EFCAB11: variants seen among roughly 807,000 people sequenced by gnomAD.
EFCAB11 encodes EF-hand calcium-binding domain-containing protein 11.
Under a neutral mutation model 23.0 loss-of-function variants are expected in EFCAB11, and 14 were observed. That is an observed-to-expected ratio of 0.61 (90% CI 0.40 to 0.95). The LOEUF (loss-of-function observed/expected upper bound fraction) is 0.95, where lower values mean the gene tolerates loss of function less well. Ranked by LOEUF, EFCAB11 falls within the 40% of genes least tolerant of loss-of-function variation. The pLI, the probability that EFCAB11 is intolerant of heterozygous loss-of-function variation, is 0.00. For synonymous variants in EFCAB11, 65 were observed against 66.6 expected, an observed-to-expected ratio of 0.98 and a Z score of 0.11; for missense variants, 198 against 195.8, an observed-to-expected ratio of 1.01 and a Z score of -0.07.
At chr14:89,881,362 T>G (rs1433178184) in intron 5 of EFCAB11, among the ~76,000 whole-genome samples, 1 of 148,388 alleles carries the variant, frequency 6.7e-6, no homozygotes, top group African/African-American at 2.5e-5. Context: ...AATCTCAGTT[T>G]CTCCAAAATC....
Position 89,954,669 on chromosome 14 carries a change from C to T in EFCAB11, c.-9G>A. ...GCCTCGGAGAAGAACATCGCGACTA[C>T]AACAACCGAGCCCCAGCAACCCAAC... On this transcript the variant is annotated 5_prime_UTR_variant, in exon 1 of 6. Coordinates refer to ENST00000316738, the MANE Select transcript of EFCAB11 (RefSeq NM_145231.4). 1 of 1,610,060 alleles carries T rather than the reference C, an allele frequency of 6.2e-7. No individual in the cohort carries two copies. Among genetic ancestry groups the T allele is most frequent in the Non-Finnish European group, 8.5e-7 (1 of 1,179,302 alleles).
intron 5 of EFCAB11, among the ~76,000 whole-genome samples, chr14:89,877,920 T>C (rs1888489317): frequency 6.6e-6 from 1 of 152,232 alleles, no homozygotes; most frequent in African/African-American, 2.4e-5. Context: ...GCAGAAGCAC[T>C]GTGAAGCTTT....
chr14:89,923,116 CA>C (rs916371380), intron 5 of EFCAB11, among the ~76,000 whole-genome samples: 1 of 152,160 alleles, frequency 6.6e-6, no homozygotes, highest in African/African-American at 2.4e-5. Context: ...ATCTATGTAA[CA>C]AAGTCATCTT....
At chr14:89,855,403 G>C (rs1337734537) in intron 5 of EFCAB11, among the ~76,000 whole-genome samples, 1 of 151,962 alleles carries the variant, frequency 6.6e-6, no homozygotes, top group African/African-American at 2.4e-5. Flanking sequence ...TTGAGTCTGG[G>C]AAGTTGAGGC....
At chr14:89,940,968 T>C (rs1358010025) in intron 3 of EFCAB11, among the ~76,000 whole-genome samples, 1 of 152,212 alleles carries the variant, frequency 6.6e-6, no homozygotes, top group Non-Finnish European at 1.5e-5. Context: ...ATATGTATAC[T>C]TGGAACACAC....
chr14:89,892,058 G>A (rs1888988464), intron 5 of EFCAB11: 2 of 1,540,040 alleles, frequency 1.3e-6, no homozygotes, highest in East Asian at 2.5e-5. Flanking sequence ...TGTGGTGGGT[G>A]TCCTGCTGGT....
intron 5 of EFCAB11, among the ~76,000 whole-genome samples, chr14:89,813,624 C>G (rs1886224310): frequency 6.6e-6 from 1 of 152,054 alleles, no homozygotes; most frequent in Non-Finnish European, 1.5e-5. Context: ...CTCCTCCCAA[C>G]CGTCCACCTC....
chr14:89,926,079 G>C (rs936998947), intron 5 of EFCAB11, among the ~76,000 whole-genome samples: 2 of 152,072 alleles, frequency 1.3e-5, no homozygotes, highest in African/African-American at 4.8e-5. Flanking sequence ...GCCTCCCAAA[G>C]TGTTGGATTA....
At chr14:89,823,514 T>A (rs569637314) in intron 5 of EFCAB11, among the ~76,000 whole-genome samples, 1 of 152,286 alleles carries the variant, frequency 6.6e-6, no homozygotes, top group South Asian at 2.1e-4. Flanking sequence ...CAGTTTGTCA[T>A]GCAGCAATAG....
chr14:89,820,522 T>G (rs1366695073), intron 5 of EFCAB11, among the ~76,000 whole-genome samples: 1 of 151,872 alleles, frequency 6.6e-6, no homozygotes, highest in East Asian at 1.9e-4. Context: ...ACACTAGATT[T>G]CAGTCCCTAC....
chr14:89,944,383 C>T (rs552124332), intron 3 of EFCAB11, among the ~76,000 whole-genome samples: 4 of 152,266 alleles, frequency 2.6e-5, no homozygotes, highest in African/African-American at 9.6e-5. Flanking sequence ...TCCCACAACA[C>T]GTGGGAATTA....
intron 5 of EFCAB11, among the ~76,000 whole-genome samples, chr14:89,826,580 G>T (rs939426091): frequency 6.6e-6 from 1 of 152,052 alleles, no homozygotes; most frequent in Non-Finnish European, 1.5e-5. Context: ...GGAAGCTGTC[G>T]CAAAACTTCA....
chr14:89,946,364 T>C (rs976600363), intron 3 of EFCAB11, among the ~76,000 whole-genome samples: 2 of 152,226 alleles, frequency 1.3e-5, no homozygotes, highest in African/African-American at 4.8e-5. Context: ...TCTAATCTTT[T>C]TTGCCCTTAT....
At chr14:89,868,610 T>C (rs1888172328) in intron 5 of EFCAB11, among the ~76,000 whole-genome samples, 1 of 152,264 alleles carries the variant, frequency 6.6e-6, no homozygotes, top group Admixed American at 6.5e-5. Flanking sequence ...GCCAGCCTTC[T>C]GTACCTGGAG....
chr14:89,886,713 G>A (rs1888797599), intron 5 of EFCAB11, among the ~76,000 whole-genome samples: 1 of 152,028 alleles, frequency 6.6e-6, no homozygotes, highest in African/African-American at 2.4e-5. Flanking sequence ...ACTTTTCTAT[G>A]TTTAAAATAT....
chr14:89,834,776 G>A (rs1887016603), intron 5 of EFCAB11, among the ~76,000 whole-genome samples: 1 of 152,232 alleles, frequency 6.6e-6, no homozygotes, highest in Non-Finnish European at 1.5e-5. Flanking sequence ...ATTTGGATAT[G>A]AGAAGTAGAG....
intron 5 of EFCAB11, among the ~76,000 whole-genome samples, chr14:89,874,722 C>T (rs996247866): frequency 1.3e-5 from 2 of 152,032 alleles, no homozygotes; most frequent in African/African-American, 4.8e-5. Flanking sequence ...ATGGTGAAAC[C>T]CCGCCTCTAC....
At chr14:89,863,074 T>C (rs1887977887) in intron 5 of EFCAB11, among the ~76,000 whole-genome samples, 1 of 151,770 alleles carries the variant, frequency 6.6e-6, no homozygotes, top group Admixed American at 6.6e-5. Flanking sequence ...TAAAAGGAAT[T>C]CACAGCCACC....
chr14:89,824,095 G>A (rs753628149), intron 5 of EFCAB11, among the ~76,000 whole-genome samples: 38 of 152,026 alleles, frequency 2.5e-4, no homozygotes, highest in Non-Finnish European at 2.1e-4. Context: ...TGAACTCTAA[G>A]TAAGATAATG....
Sources: gnomAD v4.1 joint callset for allele counts (sites outside exome capture counted in the v4.1 genomes callset) on GRCh38, gnomAD v4.1.1 for gene constraint, MANE v1.5 for transcripts, NCBI Gene and HGNC (gene_info 2026-07-23, HGNC 2026-07-21) for gene names.